ITFG2: variants seen among roughly 807,000 people sequenced by gnomAD.
ITFG2 encodes the protein KICSTOR complex protein ITFG2.
In ITFG2, 36 loss-of-function variants were observed where a neutral mutation model predicts 54.4. The observed-to-expected ratio is 0.66, with a 90% confidence interval of 0.51 to 0.87. ITFG2 has a LOEUF of 0.87. Ranked by LOEUF, ITFG2 falls within the 40% of genes least tolerant of loss-of-function variation. The probability of loss-of-function intolerance (pLI) is 0.00; values close to 1 mark genes in which losing one functional copy is unlikely to be tolerated. For synonymous variants in ITFG2, 211 were observed against 225.4 expected (o/e 0.94, Z 0.57); for missense variants, 524 against 576.7 (o/e 0.91, Z 0.94).
chr12:2,827,505 G>T, downstream of ITFG2: 1 of 1,564,242 alleles, frequency 6.4e-7, no homozygotes, highest in African/African-American at 1.4e-5. The surrounding 1 kb of genome is among the most constrained non-coding windows in gnomAD (Gnocchi z 4.0). Context: ...CTCTAAGGAA[G>T]CAAAGGGACA....
At chr12:2,834,392 C>A (rs1056097367), upstream of ITFG2, among the ~76,000 whole-genome samples, 1 of 152,154 alleles carries the variant, frequency 6.6e-6, no homozygotes, top group Non-Finnish European at 1.5e-5. Context: ...TCACCACCCT[C>A]AAGTTTGGGG....
Position 2,824,466 on chromosome 12 carries a change from A to C in ITFG2, c.*273A>C. On this transcript the variant is annotated 3_prime_UTR_variant, in exon 12 of 12. Transcript: ENST00000228799. ...TCATAGGACCCTGGCCTTGTTCCAA[A>C]TCATCTGGGACATGACCCACTCCCC... The C allele has an allele frequency of 2.2e-6, 1 of 450,524 alleles. No homozygotes were observed. Among genetic ancestry groups the C allele is most frequent in the Non-Finnish European group, 4.2e-6 (1 of 240,374 alleles). The allele number at this position is 450,524 out of a possible 1,614,324, so 27.9% of individuals were successfully genotyped here. A position where few individuals can be genotyped will look rare whatever the true frequency, so the allele number is the denominator to read the frequency against.
At position 2,819,985 on chromosome 12, in the gene ITFG2, A is replaced by G. The variant is rs569235277; in HGVS notation, c.407-101A>G. 1.2e-4 allele frequency: 176 copies of G among 1,443,712 alleles called. 1 individual carries two copies. In the East Asian group the frequency reaches 3.4e-3, roughly 28 times the overall value. The allele number at this position is 1,443,712 out of a possible 1,614,324, so 89.4% of individuals were successfully genotyped here. A position where few individuals can be genotyped will look rare whatever the true frequency, so the allele number is the denominator to read the frequency against. On this transcript the variant is annotated intron_variant, in intron 4 of 11. Transcript: ENST00000228799. ...GAGGGTGAAGTGAGTAGCACCGCAGATCGGGTGTGAAGCCGCACTGGCTGG... is the reference window on the plus strand; with the variant it reads ...GAGGGTGAAGTGAGTAGCACCGCAGGTCGGGTGTGAAGCCGCACTGGCTGG...
chr12:2,859,273 G>A lies in ITFG2; in HGVS notation n.621-261G>A, dbSNP rs1228943957. 8 of 1,613,614 alleles carry A rather than the reference G, an allele frequency of 5.0e-6. No homozygotes were observed. In the African/African-American group the frequency reaches 9.4e-5, roughly 19 times the overall value. On this transcript the variant is annotated intron_variant and non_coding_transcript_variant, in intron 3 of 3. Coordinates refer to the ITFG2 transcript ENST00000537710. ...AGCAGCTCCGGCTCATCCACACAGGGAGGCAGTAGATGCTGTTTTCTCCGA... is the reference window on the plus strand; with the variant it reads ...AGCAGCTCCGGCTCATCCACACAGGAAGGCAGTAGATGCTGTTTTCTCCGA...
At chr12:2,847,283 C>T (rs2098055726) in intron 2 of ITFG2, among the ~76,000 whole-genome samples, 2 of 152,200 alleles carry the variant, frequency 1.3e-5, no homozygotes, top group South Asian at 2.1e-4. Flanking sequence ...GTGGTCCCTT[C>T]CCAATGTTGT....
In ITFG2 at chr12:2,824,316, A is replaced by G. The variant is rs2097956881; in HGVS notation, c.*123A>G. ...AGAAATGCAGGATTTGACTCTGGGC[A>G]TGAAAGATGGCAGCAGCCCTAGGGT... On this transcript the variant is annotated 3_prime_UTR_variant, in exon 12 of 12. Coordinates refer to ENST00000228799, the MANE Select transcript of ITFG2 (RefSeq NM_018463.4). 1 of 1,032,726 alleles carries G rather than the reference A, an allele frequency of 9.7e-7. No homozygotes were observed. Among genetic ancestry groups the G allele is most frequent in the South Asian group, 1.3e-5 (1 of 75,058 alleles). 64.0% of individuals were successfully genotyped at this position (1,032,726 alleles called of 1,614,324 possible).
intron 2 of ITFG2, among the ~76,000 whole-genome samples, chr12:2,847,132 T>A (rs2098055274): frequency 6.6e-6 from 1 of 152,210 alleles, no homozygotes; most frequent in South Asian, 2.1e-4. Context: ...TGTGTCTGGC[T>A]TTTTTCATTT....
intron 2 of ITFG2, chr12:2,849,063 A>G (rs1490514024): frequency 6.1e-6 from 4 of 657,954 alleles, no homozygotes; most frequent in Non-Finnish European, 7.5e-6. Context: ...TGAATCTCCA[A>G]TAGCCTGGGG....
intron 2 of ITFG2, among the ~76,000 whole-genome samples, chr12:2,850,921 C>T (rs886730273): frequency 6.6e-6 from 1 of 151,140 alleles, no homozygotes; most frequent in African/African-American, 2.4e-5. Context: ...ATTCGCCCGC[C>T]TTGGCCTCCC....
chr12:2,855,229 G>A (rs367773916), intron 2 of ITFG2: 54 of 1,506,546 alleles, frequency 3.6e-5, no homozygotes, highest in African/African-American at 3.2e-4. Context: ...ATCGAGCCAC[G>A]TGTGAAAGCC....
chr12:2,855,467 GC>G (rs1261709244), intron 2 of ITFG2: 1 of 1,406,300 alleles, frequency 7.1e-7, no homozygotes, highest in Non-Finnish European at 9.3e-7. Context: ...ACAAAAGGGA[GC>G]CTGGGGAAGG....
At chr12:2,842,120 C>CTTTTTTT (rs71057841) in intron 2 of ITFG2, among the ~76,000 whole-genome samples, 13 of 108,684 alleles carry the variant, frequency 1.2e-4, no homozygotes, top group Non-Finnish European at 1.5e-4. Flanking sequence ...TCACTTGTTT[C>CTTTTTTT]TTTTTTTTTT....
exon 3 of ITFG2, chr12:2,858,252 A>G (rs2098095388): frequency 5.8e-6 from 1 of 171,502 alleles, no homozygotes. Context: ...ATCTAAGGAA[A>G]TAAGCTTACA....
downstream of ITFG2, chr12:2,827,887 G>A: frequency 6.2e-7 from 1 of 1,613,202 alleles, no homozygotes; most frequent in Non-Finnish European, 8.5e-7. This position sits in a 1 kb window ranked among gnomAD's most constrained non-coding sequence, Gnocchi z 4.0. Context: ...AGAGAAAGGT[G>A]AGGTGAGCAC....
At position 2,824,242 on chromosome 12, in the gene ITFG2, A is replaced by G. The variant is rs756650095; in HGVS notation, c.*49A>G. The G allele has an allele frequency of 2.6e-6, 4 of 1,552,334 alleles. No individual in the cohort carries two copies. Among genetic ancestry groups the G allele is most frequent in the Admixed American group, 1.7e-5 (1 of 59,766 alleles). On this transcript the variant is annotated 3_prime_UTR_variant, in exon 12 of 12. Transcript: ENST00000228799. ...AAGGATTCTTCTGAACCCCCACCCT[A>G]CCCCCTAAAGGTATCTGTGGTATTG...
At chr12:2,818,959 A>C (rs112855296) in intron 4 of ITFG2, among the ~76,000 whole-genome samples, 1,818 of 152,044 alleles carry the variant, frequency 0.012, 34 homozygotes, top group African/African-American at 0.04. Context: ...CGGATGTTGC[A>C]GTGACCCAGG....
intron 4 of ITFG2, 138 bp from the exon 5 acceptor site, chr12:2,819,948 C>G (rs76011435): frequency 9.2e-7 from 1 of 1,087,542 alleles, no homozygotes; most frequent in Non-Finnish European, 1.3e-6. Context: ...CAGGCAGGGG[C>G]GGGGGCAGAC....
upstream of ITFG2, among the ~76,000 whole-genome samples, chr12:2,832,027 C>T (rs1418521228): frequency 6.6e-6 from 1 of 152,072 alleles, no homozygotes; most frequent in Non-Finnish European, 1.5e-5. Context: ...CTTGGAGCTT[C>T]AGCCTGGAAG....
In ITFG2 at chr12:2,824,481, A is replaced by G; in HGVS notation, c.*288A>G. 2 of 431,198 alleles carry G rather than the reference A, an allele frequency of 4.6e-6. No individual in the cohort carries two copies. The highest frequency in any genetic ancestry group is 8.7e-6 in the Non-Finnish European group (2 of 229,050). The allele number at this position is 431,198 out of a possible 1,614,324, so 26.7% of individuals were successfully genotyped here. On this transcript the variant is annotated 3_prime_UTR_variant, in exon 12 of 12. Coordinates refer to ENST00000228799, the MANE Select transcript of ITFG2 (RefSeq NM_018463.4). ...CTTGTTCCAAATCATCTGGGACATG[A>G]CCCACTCCCCACTGTCACTGTGTTG...
Sources: gnomAD v4.1 joint callset for allele counts (sites outside exome capture counted in the v4.1 genomes callset) on GRCh38, gnomAD v4.1.1 for gene constraint, Gnocchi (gnomAD v3.1) non-coding constraint, MANE v1.5 for transcripts, NCBI Gene and HGNC (gene_info 2026-07-23, HGNC 2026-07-21) for gene names.